The following KDM4B variants were observed in gnomAD, a reference collection of about 807,000 sequenced individuals.
KDM4B encodes lysine demethylase 4B.
KDM4B carries 32 observed loss-of-function variants against 125.2 expected under a neutral mutation model. The observed-to-expected ratio is 0.26, with a 90% CI of 0.19 to 0.34. The LOEUF is 0.34. KDM4B is among the 10% of genes least tolerant of loss of function. KDM4B has a pLI of 1.00. For synonymous variants in KDM4B, 721 were observed against 677.9 expected (o/e 1.06, Z -0.99); for missense variants, 1,190 against 1,577.7 (o/e 0.75, Z 4.16).
At chr19:5,131,642 A>AGGGGGGCCGGGAGGAG in intron 12 of KDM4B, 97 bp downstream of exon 12, 1 of 106,622 alleles carries the variant, frequency 9.4e-6, no homozygotes, top group Non-Finnish European at 1.6e-5. Context: ...GTGGCGGGGG[A>AGGGGGGCCGGGAGGAG]GGGGGCAGGG....
intron 21 of KDM4B, among the ~76,000 whole-genome samples, chr19:5,147,826 C>T (rs2039878365): frequency 6.6e-6 from 1 of 151,516 alleles, no homozygotes; most frequent in South Asian, 2.1e-4. Flanking sequence ...TGGGTGGTAT[C>T]GGAAGCCAGC....
chr19:5,093,767 C>T (rs759973940), intron 9 of KDM4B, among the ~76,000 whole-genome samples: 12 of 152,182 alleles, frequency 7.9e-5, no homozygotes, highest in Admixed American at 1.3e-4. Flanking sequence ...GTGGTCACCG[C>T]GCAGGTCACT....
chr19:4,980,724 G>A (rs562673234), intron 1 of KDM4B, among the ~76,000 whole-genome samples: 20 of 152,194 alleles, frequency 1.3e-4, no homozygotes, highest in African/African-American at 4.6e-4. Flanking sequence ...CACCGCGCCC[G>A]GCCCACTTTG....
Position 5,081,767 on chromosome 19 carries a change from G to A in KDM4B, c.781-600G>A, listed in dbSNP as rs1038141864. On this transcript the variant is annotated intron_variant, in intron 8 of 22. Transcript: ENST00000159111. The surrounding 1 kb of genome is among the most constrained non-coding windows in gnomAD (Gnocchi z 4.2). ...CAATTGAAAGATGGCTTGGGATGGC[G>A]GCGTGTCGCAGGCCCCTTCCTGGCG... Among the ~76,000 whole-genome samples, 2 of 152,154 alleles carry A rather than the reference G, an allele frequency of 1.3e-5. No individual in the cohort carries two copies. Among genetic ancestry groups the A allele is most frequent in the Non-Finnish European group, 2.9e-5 (2 of 68,010 alleles).
chr19:5,138,545 A>T (rs1474533010), intron 18 of KDM4B: 1 of 160,724 alleles, frequency 6.2e-6, no homozygotes, highest in Non-Finnish European at 1.4e-5. Flanking sequence ...GGTCCCAGCT[A>T]CTCGGGAGGC....
At chr19:5,119,167 A>G in intron 10 of KDM4B, 1 of 1,535,316 alleles carries the variant, frequency 6.5e-7, no homozygotes, top group Non-Finnish European at 8.7e-7. Context: ...TGAGGAGGAG[A>G]GGAAACCAAG....
intron 1 of KDM4B, among the ~76,000 whole-genome samples, chr19:4,992,929 C>G (rs2035074065): frequency 6.6e-6 from 1 of 152,122 alleles, no homozygotes; most frequent in Non-Finnish European, 1.5e-5. Flanking sequence ...GGTTGGAGAA[C>G]TTACTTTGGA....
At chr19:5,009,212 G>A (rs1321812300) in intron 1 of KDM4B, among the ~76,000 whole-genome samples, 2 of 152,130 alleles carry the variant, frequency 1.3e-5, no homozygotes, top group African/African-American at 4.8e-5. Context: ...ACCGCTCCCG[G>A]CCTATTCCCT....
intron 1 of KDM4B, among the ~76,000 whole-genome samples, chr19:4,981,728 T>C (rs1360887583): frequency 6.6e-6 from 1 of 152,188 alleles, no homozygotes; most frequent in East Asian, 1.9e-4. Context: ...TCTTCCCACC[T>C]GCTCTGCAGT....
chr19:5,024,037 C>T (rs1323039839), intron 2 of KDM4B, among the ~76,000 whole-genome samples: 2 of 152,042 alleles, frequency 1.3e-5, no homozygotes, highest in Non-Finnish European at 2.9e-5. Context: ...AGGCGTGAGC[C>T]CCTGCCCCTG....
At chr19:5,049,450 G>A (rs905342687) in intron 6 of KDM4B, among the ~76,000 whole-genome samples, 2 of 152,030 alleles carry the variant, frequency 1.3e-5, no homozygotes, top group Admixed American at 6.5e-5. Context: ...TTCCGGAAGC[G>A]CCCTGACCTT....
At chr19:5,067,857 G>A (rs2037822635) in intron 6 of KDM4B, among the ~76,000 whole-genome samples, 1 of 152,192 alleles carries the variant, frequency 6.6e-6, no homozygotes, top group Non-Finnish European at 1.5e-5. Context: ...TGTCTAGAAA[G>A]AGATCTCCTG....
chr19:5,004,173 G>A (rs2035482354), intron 1 of KDM4B, among the ~76,000 whole-genome samples: 1 of 152,186 alleles, frequency 6.6e-6, no homozygotes, highest in Admixed American at 6.5e-5. Flanking sequence ...AGAGACTTAA[G>A]GATGAGGTTA....
intron 9 of KDM4B, among the ~76,000 whole-genome samples, chr19:5,109,266 G>C (rs2039092693): frequency 6.6e-6 from 1 of 152,176 alleles, no homozygotes; most frequent in Non-Finnish European, 1.5e-5. Flanking sequence ...TGACAGACCA[G>C]AGCTTCCTGG....
chr19:5,032,727 C>G lies in KDM4B; in HGVS notation c.-25-139C>G, dbSNP rs577092292. The G allele has an allele frequency of 1.4e-5, 10 of 716,190 alleles. No homozygotes were observed. In the South Asian group the frequency reaches 1.7e-4, roughly 12 times the overall value. 44.4% of individuals were successfully genotyped at this position (716,190 alleles called of 1,614,324 possible). A position where few individuals can be genotyped will look rare whatever the true frequency, so the allele number is the denominator to read the frequency against. ...CTCGTGGTTTTCTCTTCTGCCCTCA[C>G]TCAGCCGCGAGGGCCCAGCCGCCTT... On this transcript the variant is annotated intron_variant, in intron 2 of 22. Coordinates refer to ENST00000159111, the MANE Select transcript of KDM4B (RefSeq NM_015015.3).
rs529705482 is a variant in KDM4B, at chr19:5,132,014, G to T, written c.1906+7G>T. The T allele has an allele frequency of 5.6e-6, 9 of 1,601,482 alleles. No homozygotes were observed. In the South Asian group the frequency reaches 7.8e-5, roughly 14 times the overall value. ...GAGGCCTCAAGTGACGAGGGTGAGT[G>T]GGGGGTCCCCAGGTCGGCTCTCATC... On this transcript the variant is annotated splice_region_variant and intron_variant, in intron 13 of 22. Coordinates refer to ENST00000159111, the MANE Select transcript of KDM4B (RefSeq NM_015015.3).
chr19:5,072,437 A>T (rs1289444632), intron 7 of KDM4B, among the ~76,000 whole-genome samples: 1 of 152,030 alleles, frequency 6.6e-6, no homozygotes, highest in Non-Finnish European at 1.5e-5. Context: ...GAGCGTTTCT[A>T]TTGGAAACCT....
intron 1 of KDM4B, among the ~76,000 whole-genome samples, chr19:4,992,790 C>T (rs1185922879): frequency 6.6e-6 from 1 of 152,152 alleles, no homozygotes; most frequent in East Asian, 1.9e-4. Flanking sequence ...CATTTTCATT[C>T]ACCTCAAAAT....
intron 9 of KDM4B, among the ~76,000 whole-genome samples, chr19:5,104,962 G>GC (rs2039007179): frequency 6.6e-6 from 1 of 152,224 alleles, no homozygotes; most frequent in East Asian, 1.9e-4. Context: ...AAGTCCATGG[G>GC]CTCCGGGAGT....
Sources: allele counts gnomAD v4.1 joint callset (sites outside exome capture counted in the v4.1 genomes callset), GRCh38; gene constraint gnomAD v4.1.1; non-coding constraint Gnocchi (gnomAD v3.1); transcripts MANE v1.5; gene names NCBI Gene and HGNC (gene_info 2026-07-23, HGNC 2026-07-21).